The following IL12B variants were observed in gnomAD, a reference collection of about 807,000 sequenced individuals.
IL12B encodes the protein interleukin 12B, also known as interleukin-12 subunit beta.
Under a neutral mutation model 39.2 loss-of-function variants are expected in IL12B, and 27 were observed. That is an observed-to-expected ratio of 0.69 (90% CI 0.51 to 0.95). IL12B has a LOEUF of 0.95. IL12B is among the 40% of genes least tolerant of loss of function. The probability of loss-of-function intolerance (pLI) is 0.00; values close to 1 mark genes in which losing one functional copy is unlikely to be tolerated. For missense variants in IL12B, 351 were observed against 397.6 expected (o/e 0.88, Z 1.00); for synonymous variants, 142 against 152.1 (o/e 0.93, Z 0.49).
Position 159,318,851 on chromosome 5 carries a change from T to C in IL12B, c.740A>G (p.Lys247Arg). ...PPKNLQLKPL[K>R]NSRQVEVSWE... is the part of the protein sequence containing the mutation. ...GCTGACCTCCACCTGCCGAGAATTC[T>C]TTAATGGCTTCAGCTGCAAGTTCTT... The change falls in exon 6 of 8, where the codon AAG (lysine) becomes AGG (arginine). Residue 247 changes from lysine to arginine, a missense_variant. By Grantham distance (26) the Lys-to-Arg change is conservative (BLOSUM62 2). Transcript: ENST00000231228. 4.3e-6 allele frequency: 7 copies of C among 1,614,132 alleles called. No homozygotes were observed. Among genetic ancestry groups the C allele is most frequent in the Non-Finnish European group, 5.9e-6 (7 of 1,179,986 alleles).
chr5:159,325,109 C>T (rs982504456), intron 2 of IL12B, among the ~76,000 whole-genome samples: 2 of 152,136 alleles, frequency 1.3e-5, no homozygotes, highest in Non-Finnish European at 2.9e-5. Context: ...TGAAGAGGAG[C>T]ATCAAGAACC....
At chr5:159,317,188 A>G (rs1416535761) in intron 6 of IL12B, among the ~76,000 whole-genome samples, 1 of 152,234 alleles carries the variant, frequency 6.6e-6, no homozygotes, top group Non-Finnish European at 1.5e-5. Flanking sequence ...TGATCATTTC[A>G]TCAGAAAACT....
rs10045130 is a variant in IL12B at position 159,320,459 on chromosome 5, C to T, written c.544G>A (p.Gly182Arg). The change falls in exon 5 of 8, where the codon GGG (glycine) becomes AGG (arginine). Residue 182 changes from glycine to arginine, a missense_variant. By Grantham distance (125) the Gly-to-Arg change is moderately radical. Coordinates refer to ENST00000231228, the MANE Select transcript of IL12B (RefSeq NM_002187.3). Reference protein sequence around the residue: ...AATLSAERVRGDNKEYEYSVE... With the variant: ...AATLSAERVRRDNKEYEYSVE... ...GAGTACTCATACTCCTTGTTGTCCC[C>T]TCTGACTCTCTCTGCAGAGAGTGTA... 435 of 1,614,182 alleles carry T rather than the reference C, an allele frequency of 2.7e-4. No individual in the cohort carries two copies. The African/African-American group carries it at 5.1e-3, about 19-fold the overall frequency.
At chr5:159,321,672 T>C (rs1754096254) in intron 4 of IL12B, among the ~76,000 whole-genome samples, 1 of 152,190 alleles carries the variant, frequency 6.6e-6, no homozygotes, top group Admixed American at 6.5e-5. Flanking sequence ...TATGTCTTTA[T>C]GCACTTGGAG....
In IL12B at chr5:159,318,811, G is replaced by A; in HGVS notation, c.780C>T (p.Asp260=). The A allele has an allele frequency of 6.2e-7, 1 of 1,613,050 alleles. No individual in the cohort carries two copies. Among genetic ancestry groups the A allele is most frequent in the Non-Finnish European group, 8.5e-7 (1 of 1,178,970 alleles). ...AGTAGGAATGTGGAGTACTCCAGGT[G>A]TCAGGGTACTCCCAGCTGACCTCCA... The part of the protein sequence containing the change: ...RQVEVSWEYP[D]TWSTPHSYFS... Residue 260 remains aspartate, a synonymous_variant, in exon 6 of 8, where the codon GAC becomes GAT. Coordinates refer to ENST00000231228, the MANE Select transcript of IL12B (RefSeq NM_002187.3).
At chr5:159,327,752 T>C (rs898026676) in intron 1 of IL12B, among the ~76,000 whole-genome samples, 17 of 152,168 alleles carry the variant, frequency 1.1e-4, no homozygotes, top group Admixed American at 9.2e-4. Context: ...AAAGTGTTCA[T>C]TGGGAAAAGA....
At chr5:159,327,923 G>A (rs1754219177) in intron 1 of IL12B, among the ~76,000 whole-genome samples, 1 of 152,212 alleles carries the variant, frequency 6.6e-6, no homozygotes, top group South Asian at 2.1e-4. Context: ...AGGTAGGGAT[G>A]ATTATTGAAA....
chr5:159,319,038 G>A lies in IL12B; in HGVS notation c.698-145C>T, dbSNP rs1335258306. ...TTCTGTGAGCACCTGGCTGGCAAAT[G>A]TGAGGCACCTCTGCCGCAGGTGCTC... is the stretch of plus-strand genomic sequence containing the variant. On this transcript the variant is annotated intron_variant, in intron 5 of 7. Coordinates refer to ENST00000231228, the MANE Select transcript of IL12B (RefSeq NM_002187.3). 4 of 749,334 alleles carry A rather than the reference G, an allele frequency of 5.3e-6. No individual in the cohort carries two copies. In the East Asian group the frequency reaches 8.0e-5, roughly 15 times the overall value. 46.4% of individuals were successfully genotyped at this position (749,334 alleles called of 1,614,324 possible).
intron 7 of IL12B, 81 bp downstream of exon 7, chr5:159,316,604 C>G: frequency 1.3e-6 from 2 of 1,491,140 alleles, no homozygotes. Context: ...CCTTTCCTCT[C>G]CAACACAGCC....
At chr5:159,320,653 C>A in intron 4 of IL12B, 133 bp from the exon 5 acceptor site, 1 of 768,368 alleles carries the variant, frequency 1.3e-6, no homozygotes, top group South Asian at 1.5e-5. Flanking sequence ...TGATTTCTAC[C>A]CAGAGGGTAA....
chr5:159,318,991 G>A, intron 5 of IL12B, 98 bp from the exon 6 acceptor site: 2 of 1,019,080 alleles, frequency 2.0e-6, no homozygotes, highest in South Asian at 2.7e-5. Flanking sequence ...TCAGCTGTGA[G>A]TCCACTGGAT....
At chr5:159,316,904 A>C in intron 6 of IL12B, 88 bp from the exon 7 acceptor site, 1 of 1,468,238 alleles carries the variant, frequency 6.8e-7, no homozygotes, top group Admixed American at 1.7e-5. Context: ...ATACTCTCCC[A>C]AAACAAGCCC....
chr5:159,320,336 A>G lies in IL12B; in HGVS notation c.667T>C (p.Tyr223His). The change falls in exon 5 of 8, where the codon TAC (tyrosine) becomes CAC (histidine). Residue 223 changes from tyrosine to histidine, a missense_variant. By Grantham distance (83) the Tyr-to-His change is moderately conservative. Transcript: ENST00000231228. ...DAVHKLKYENYTSSFFIRDII... is the reference protein window; with the variant it reads ...DAVHKLKYENHTSSFFIRDII... Reference sequence around the variant, plus strand: ...TCCCTGATGAAGAAGCTGCTGGTGTAGTTTTCATACTTGAGCTTGTGAACG... The same window carrying G: ...TCCCTGATGAAGAAGCTGCTGGTGTGGTTTTCATACTTGAGCTTGTGAACG... 2 of 1,614,052 alleles carry G rather than the reference A, an allele frequency of 1.2e-6. No individual in the cohort carries two copies.
intron 2 of IL12B, 34 bp downstream of exon 2, chr5:159,326,661 G>C (rs1270923208): frequency 6.9e-7 from 1 of 1,448,894 alleles, no homozygotes; most frequent in South Asian, 1.1e-5. Context: ...CTTAGAAGTG[G>C]GGCCTCCACA....
intron 3 of IL12B, 136 bp downstream of exon 3, chr5:159,322,918 C>G: frequency 3.5e-6 from 3 of 866,316 alleles, no homozygotes; most frequent in South Asian, 3.1e-5. Flanking sequence ...AGGTTAACAT[C>G]AATTAACATC....
chr5:159,323,327 A>G lies in IL12B; in HGVS notation c.91T>C (p.Tyr31His). The change falls in exon 3 of 8, where the codon TAT becomes CAT. Residue 31 changes from tyrosine (Y) to histidine (H), a missense_variant and splice_region_variant. By Grantham distance (83) the Tyr-to-His change is moderately conservative. Coordinates refer to ENST00000231228, the MANE Select transcript of IL12B (RefSeq NM_002187.3). Reference sequence around the variant, plus strand: ...GGATACCAATCCAATTCTACGACATAAACTGGAATGCACATAAAGTGGAGA... The same window carrying G: ...GGATACCAATCCAATTCTACGACATGAACTGGAATGCACATAAAGTGGAGA... ...VAIWELKKDV[Y>H]VVELDWYPDA... 6.2e-7 allele frequency: 1 copy of G among 1,613,820 alleles called. No homozygotes were observed. Among genetic ancestry groups the G allele is most frequent in the East Asian group, 2.2e-5 (1 of 44,888 alleles).
rs1754133509 is a variant in IL12B, at chr5:159,323,329, A to G, written c.89T>C (p.Val30Ala). ...LVAIWELKKD[V>A]YVVELDWYPD... ...ATACCAATCCAATTCTACGACATAA[A>G]CTGGAATGCACATAAAGTGGAGAAC... The change falls in exon 3 of 8, where the codon GTT becomes GCT. Residue 30 changes from valine to alanine, a missense_variant and splice_region_variant. Transcript: ENST00000231228. 1.2e-6 allele frequency: 2 copies of G among 1,613,682 alleles called. No homozygotes were observed. Among genetic ancestry groups the G allele is most frequent in the Non-Finnish European group, 1.7e-6 (2 of 1,179,942 alleles).
Position 159,322,520 on chromosome 5 carries a change from G to T in IL12B, c.365-9C>A. ...GGTCTTATTTTTGGGTTCTGGATTT[G>T]AAAAAAACAAAAATTCAATATTTAG... On this transcript the variant is annotated splice_polypyrimidine_tract_variant and intron_variant, in intron 3 of 7. Coordinates refer to ENST00000231228, the MANE Select transcript of IL12B (RefSeq NM_002187.3). 1 of 1,564,298 alleles carries T rather than the reference G, an allele frequency of 6.4e-7. No homozygotes were observed. Among genetic ancestry groups the T allele is most frequent in the Non-Finnish European group, 8.8e-7 (1 of 1,134,710 alleles).
chr5:159,321,797 GTGA>G (rs1039829747), intron 4 of IL12B, among the ~76,000 whole-genome samples: 4 of 152,204 alleles, frequency 2.6e-5, no homozygotes, highest in East Asian at 3.8e-4. Flanking sequence ...GTTTGCTTCG[GTGA>G]TGATTAAAGT....
Sources: gnomAD v4.1 joint callset for allele counts (sites outside exome capture counted in the v4.1 genomes callset) on GRCh38, gnomAD v4.1.1 for gene constraint, MANE v1.5 for transcripts, NCBI Gene and HGNC (gene_info 2026-07-23, HGNC 2026-07-21) for gene names.